PPAT: variants seen among roughly 807,000 people sequenced by gnomAD.
PPAT encodes the protein phosphoribosyl pyrophosphate amidotransferase.
Under a neutral mutation model 60.2 loss-of-function variants are expected in PPAT, and 20 were observed. The observed-to-expected ratio is 0.33, with a 90% CI of 0.23 to 0.48. The LOEUF is 0.48. PPAT is among the 20% of genes least tolerant of loss of function. The pLI, the probability that PPAT is intolerant of heterozygous loss-of-function variation, is 0.99. For synonymous variants in PPAT, 194 were observed against 215.1 expected (o/e 0.90, Z 0.86); for missense variants, 349 against 629.6 (o/e 0.55, Z 4.77).
intron 1 of PPAT, among the ~76,000 whole-genome samples, chr4:56,415,567 A>G (rs1037075352): frequency 6.6e-6 from 1 of 152,256 alleles, no homozygotes; most frequent in Non-Finnish European, 1.5e-5. Context: ...CCATTTAAAC[A>G]TAATTTAACT....
chr4:56,429,321 G>A (rs1267183335), intron 1 of PPAT, among the ~76,000 whole-genome samples: 1 of 152,112 alleles, frequency 6.6e-6, no homozygotes, highest in Non-Finnish European at 1.5e-5. Context: ...GTACTTTACA[G>A]TGATTGTTGC....
At chr4:56,398,771 G>A (rs1716044968) in intron 9 of PPAT, among the ~76,000 whole-genome samples, 1 of 151,914 alleles carries the variant, frequency 6.6e-6, no homozygotes, top group African/African-American at 2.4e-5. Context: ...GTTAGTCTTT[G>A]AATAAATTTT....
intron 1 of PPAT, among the ~76,000 whole-genome samples, chr4:56,424,949 T>C (rs1312273275): frequency 1.3e-5 from 2 of 152,210 alleles, no homozygotes; most frequent in East Asian, 1.9e-4. Context: ...AGAAGTTTCA[T>C]GGTAGTAAAA....
chr4:56,435,045 A>G (rs1368452108), intron 1 of PPAT, among the ~76,000 whole-genome samples: 4 of 152,132 alleles, frequency 2.6e-5, no homozygotes, highest in African/African-American at 9.7e-5. Flanking sequence ...AGCTAGACCA[A>G]GCAAACCGGC....
At chr4:56,413,199 A>C (rs1310122611) in intron 1 of PPAT, among the ~76,000 whole-genome samples, 1 of 152,104 alleles carries the variant, frequency 6.6e-6, no homozygotes, top group Non-Finnish European at 1.5e-5. Context: ...TCACTCTGTC[A>C]CCCAGGCTGG....
At chr4:56,417,765 AAC>A (rs1372028477) in intron 1 of PPAT, among the ~76,000 whole-genome samples, 1 of 152,178 alleles carries the variant, frequency 6.6e-6, no homozygotes, top group East Asian at 1.9e-4. Context: ...CAGCCTGTGC[AAC>A]AGAGTCTACG....
At chr4:56,430,629 G>GT (rs1717533725) in intron 1 of PPAT, among the ~76,000 whole-genome samples, 1 of 151,308 alleles carries the variant, frequency 6.6e-6, no homozygotes, top group African/African-American at 2.4e-5. Context: ...ACTGAAAAGT[G>GT]TATTTTTCTA....
chr4:56,399,425 A>G, intron 8 of PPAT, 25 bp from the exon 9 acceptor site: 1 of 1,554,270 alleles, frequency 6.4e-7, no homozygotes. Context: ...ATGAAAGGAT[A>G]ATGAGGAGTA....
In PPAT at chr4:56,396,925, C is replaced by T. The variant is rs191712823; in HGVS notation, c.1237-186G>A. 1.0e-3 allele frequency: 470 copies of T among 456,364 alleles called. 1 individual carries two copies. Among genetic ancestry groups the T allele is most frequent in the Non-Finnish European group, 1.3e-3 (358 of 271,626 alleles). 28.3% of individuals were successfully genotyped at this position (456,364 alleles called of 1,614,324 possible). ...CCTAATCATGAGGAAGTTTCTTTGTCTAGATATCCTACTTCTCATTTGATG... is the reference window on the plus strand; with the variant it reads ...CCTAATCATGAGGAAGTTTCTTTGTTTAGATATCCTACTTCTCATTTGATG... On this transcript the variant is annotated intron_variant, in intron 9 of 10. Coordinates refer to ENST00000264220, the MANE Select transcript of PPAT (RefSeq NM_002703.5). The surrounding 1 kb of genome is among the most constrained non-coding windows in gnomAD (Gnocchi z 4.6).
Position 56,402,848 on chromosome 4 carries a change from A to AGG in PPAT, c.661+190_661+191dup, listed in dbSNP as rs377686688. ...AAAAAAAAAAAAAAAAAAAAAAAAA[A>AGG]GGGGGGGGACTCATCCTCAGGAGTA... On this transcript the variant is annotated intron_variant, in intron 5 of 10. Transcript: ENST00000264220. Among the ~76,000 whole-genome samples, 11 of 76,096 alleles carry AGG rather than the reference A, an allele frequency of 1.4e-4. No individual in the cohort carries two copies. The East Asian group carries it at 3.5e-3, about 24-fold the overall frequency. 49.9% of individuals were successfully genotyped at this position (76,096 alleles called of 152,430 possible). A position where few individuals can be genotyped will look rare whatever the true frequency, so the allele number is the denominator to read the frequency against.
chr4:56,418,991 G>T (rs544683221), intron 1 of PPAT, among the ~76,000 whole-genome samples: 2 of 152,244 alleles, frequency 1.3e-5, no homozygotes, highest in East Asian at 1.9e-4. Context: ...TGTAATTTTC[G>T]CAAGGCGTAA....
chr4:56,404,258 C>T, intron 3 of PPAT: 1 of 266,340 alleles, frequency 3.8e-6, no homozygotes, highest in Non-Finnish European at 7.9e-6. Flanking sequence ...ATTTTCTACC[C>T]TCAACACTCT....
At chr4:56,399,568 T>C in intron 8 of PPAT, 168 bp from the exon 9 acceptor site, 1 of 555,432 alleles carries the variant, frequency 1.8e-6, no homozygotes, top group South Asian at 2.7e-5. Flanking sequence ...ATATACTTGG[T>C]GGAAAAACCA....
chr4:56,419,883 G>A (rs968447162), intron 1 of PPAT: 21 of 984,282 alleles, frequency 2.1e-5, no homozygotes, highest in African/African-American at 1.6e-4. Context: ...ATACAAGATC[G>A]TAAGAACAGC....
At chr4:56,415,891 G>C (rs1716704576) in intron 1 of PPAT, among the ~76,000 whole-genome samples, 1 of 152,106 alleles carries the variant, frequency 6.6e-6, no homozygotes, top group African/African-American at 2.4e-5. Context: ...CCAACATGGT[G>C]AAACCTCGTG....
intron 1 of PPAT, among the ~76,000 whole-genome samples, chr4:56,433,578 T>C (rs986760804): frequency 6.6e-6 from 1 of 151,968 alleles, no homozygotes; most frequent in Non-Finnish European, 1.5e-5. Flanking sequence ...TGAATAACTT[T>C]GGCAAAAAAA....
In PPAT at chr4:56,402,137, A is replaced by T. The variant is rs767991634; in HGVS notation, c.706T>A (p.Ser236Thr). The T allele has an allele frequency of 5.6e-6, 9 of 1,606,054 alleles. No homozygotes were observed. In the South Asian group the frequency reaches 9.9e-5, roughly 18 times the overall value. The change falls in exon 6 of 11, where the codon TCT (serine) becomes ACT (threonine). Residue 236 changes from serine (S) to threonine (T), a missense_variant. Transcript: ENST00000264220. Reference sequence around the variant, plus strand: ...GCACCAATAGATAAGAAGCTACAAGATTCTGAAGACACCACCCATCCTTCT... The same window carrying T: ...GCACCAATAGATAAGAAGCTACAAGTTTCTGAAGACACCACCCATCCTTCT... ...ETEGWVVSSESCSFLSIGARY... is the reference protein window; with the variant it reads ...ETEGWVVSSETCSFLSIGARY...
At chr4:56,404,414 T>C (rs1337671137) in intron 3 of PPAT, among the ~76,000 whole-genome samples, 1 of 152,194 alleles carries the variant, frequency 6.6e-6, no homozygotes, top group African/African-American at 2.4e-5. Flanking sequence ...AACAATGAAA[T>C]GTAGCAGATG....
chr4:56,423,819 C>A (rs1717158412), intron 1 of PPAT, among the ~76,000 whole-genome samples: 1 of 152,108 alleles, frequency 6.6e-6, no homozygotes, highest in Admixed American at 6.6e-5. Flanking sequence ...ACAAGGATCT[C>A]AGCAGCTAAA....
Sources: gnomAD v4.1 joint callset for allele counts (sites outside exome capture counted in the v4.1 genomes callset) on GRCh38, gnomAD v4.1.1 for gene constraint, Gnocchi (gnomAD v3.1) non-coding constraint, MANE v1.5 for transcripts, NCBI Gene and HGNC (gene_info 2026-07-23, HGNC 2026-07-21) for gene names.